RASA2: variants seen among roughly 807,000 people sequenced by gnomAD.
RASA2 encodes ras GTPase-activating protein 2.
Under a neutral mutation model 118.2 loss-of-function variants are expected in RASA2, and 155 were observed. The ratio of observed to expected loss-of-function variants is 1.31; its 90% CI spans 1.15 to 1.50. The LOEUF is 1.50. RASA2 is among the 40% of genes most tolerant of loss of function. The probability of loss-of-function intolerance (pLI) is 0.00; values close to 1 mark genes in which losing one functional copy is unlikely to be tolerated. For missense variants in RASA2, 1,016 were observed against 1,009.6 expected (o/e 1.01, Z -0.09); for synonymous variants, 353 against 349.1 (o/e 1.01, Z -0.12).
intron 3 of RASA2, among the ~76,000 whole-genome samples, chr3:141,518,029 C>A (rs1028198382): frequency 1.3e-5 from 2 of 152,148 alleles, no homozygotes; most frequent in African/African-American, 4.8e-5. Flanking sequence ...AGCTAACTGG[C>A]CACATATGTG....
Position 141,487,123 on chromosome 3 carries a change from G to T in RASA2, c.40G>T (p.Glu14Ter). The T allele has an allele frequency of 7.0e-7, 1 of 1,431,406 alleles. No individual in the cohort carries two copies. The highest frequency in any genetic ancestry group is 3.1e-5 in the East Asian group (1 of 32,428). 88.7% of individuals were successfully genotyped at this position (1,431,406 alleles called of 1,614,324 possible). A position where few individuals can be genotyped will look rare whatever the true frequency, so the allele number is the denominator to read the frequency against. ...AAPAAAAASS[E>*]APAASATAEP... is the part of the protein sequence containing the mutation. ...GCCTGCTGCTGCGGCGGCTTCTTCC[G>T]AGGCGCCAGCGGCGAGTGCGACTGC... The change falls in exon 1 of 24, where the codon GAG becomes TAG. Residue 14 changes from glutamate (E) to a stop codon, truncating the protein, a stop_gained. Transcript: ENST00000286364. LOFTEE classifies it high-confidence loss of function.
chr3:141,563,486 A>G (rs2082768623), intron 9 of RASA2, among the ~76,000 whole-genome samples: 1 of 152,172 alleles, frequency 6.6e-6, no homozygotes, highest in Non-Finnish European at 1.5e-5. Context: ...TATACAAATG[A>G]CTATTGATAG....
chr3:141,573,859 C>A, intron 13 of RASA2, 85 bp from the exon 14 acceptor site: 1 of 1,205,316 alleles, frequency 8.3e-7, no homozygotes, highest in South Asian at 2.4e-5. Context: ...TAATAAACCT[C>A]ATTTTCTTAC....
At chr3:141,602,230 A>T (rs541989737) in intron 19 of RASA2, among the ~76,000 whole-genome samples, 1 of 152,148 alleles carries the variant, frequency 6.6e-6, no homozygotes, top group East Asian at 1.9e-4. Flanking sequence ...GCAGTCCCCA[A>T]CCTTTTTGTC....
At chr3:141,572,545 A>G (rs955033544) in intron 11 of RASA2, 64 bp from the exon 12 acceptor site, 5 of 1,132,550 alleles carry the variant, frequency 4.4e-6, no homozygotes, top group Admixed American at 3.4e-5. Context: ...TTGGTCAAGT[A>G]TGTTATATTA....
chr3:141,545,647 C>G (rs2082474361), intron 5 of RASA2, among the ~76,000 whole-genome samples: 1 of 151,708 alleles, frequency 6.6e-6, no homozygotes, highest in East Asian at 1.9e-4. Context: ...GGGGTTTCAT[C>G]ATGTTGGTCA....
chr3:141,596,657 T>C (rs1259075986), intron 19 of RASA2, among the ~76,000 whole-genome samples: 2 of 152,304 alleles, frequency 1.3e-5, no homozygotes, highest in East Asian at 3.9e-4. Context: ...AAACATTTTA[T>C]CAAAGAGATT....
chr3:141,592,700 A>G lies in RASA2; in HGVS notation c.1933+5948A>G, dbSNP rs113212664. ...ATCACATTCTGAATCTATTTGAAAA[A>G]TAGTACCCAGAGGAGTTAGATACTG... is the stretch of plus-strand genomic sequence containing the variant. On this transcript the variant is annotated intron_variant, in intron 19 of 23. Coordinates refer to ENST00000286364, the MANE Select transcript of RASA2 (RefSeq NM_006506.5). 4.6e-3 allele frequency among the ~76,000 whole-genome samples: 705 copies of G among 152,296 alleles called. 7 individuals carry two copies. Among genetic ancestry groups the G allele is most frequent in the African/African-American group, 0.016 (684 of 41,558 alleles).
chr3:141,560,096 A>G, intron 9 of RASA2, 101 bp downstream of exon 9: 4 of 907,972 alleles, frequency 4.4e-6, no homozygotes, highest in East Asian at 2.7e-5. Context: ...TAAATTTGCC[A>G]TGTAATAAGC....
At chr3:141,560,700 G>A (rs963942630) in intron 9 of RASA2, among the ~76,000 whole-genome samples, 9 of 152,138 alleles carry the variant, frequency 5.9e-5, no homozygotes, top group East Asian at 5.8e-4. Flanking sequence ...ACTTAAAAGC[G>A]TGTGTATCCT....
chr3:141,570,533 A>G (rs1272420812), intron 9 of RASA2, among the ~76,000 whole-genome samples: 1 of 152,162 alleles, frequency 6.6e-6, no homozygotes, highest in African/African-American at 2.4e-5. Flanking sequence ...CTTAATTTTC[A>G]GCTAAATGCC....
intron 5 of RASA2, among the ~76,000 whole-genome samples, chr3:141,546,997 G>T (rs955614856): frequency 6.6e-6 from 1 of 152,084 alleles, no homozygotes; most frequent in Non-Finnish European, 1.5e-5. Context: ...TATTAAAAAT[G>T]AGTTCACTGT....
intron 23 of RASA2, among the ~76,000 whole-genome samples, chr3:141,611,526 C>A (rs1417593698): frequency 1.3e-5 from 2 of 152,038 alleles, no homozygotes; most frequent in African/African-American, 4.8e-5. Flanking sequence ...ACTCATTGAT[C>A]CTCAAATCAG....
At chr3:141,503,575 C>T (rs560088656) in intron 1 of RASA2, among the ~76,000 whole-genome samples, 2 of 152,310 alleles carry the variant, frequency 1.3e-5, no homozygotes, top group East Asian at 3.9e-4. Context: ...ACATGTCTCT[C>T]CTCTTTTTTC....
intron 1 of RASA2, among the ~76,000 whole-genome samples, chr3:141,502,701 G>T (rs114101128): frequency 1.3e-5 from 2 of 152,150 alleles, no homozygotes; most frequent in Non-Finnish European, 2.9e-5. Context: ...TGTAATACAT[G>T]TATTAATTTA....
chr3:141,502,947 C>T (rs1466177670), intron 1 of RASA2, among the ~76,000 whole-genome samples: 2 of 152,120 alleles, frequency 1.3e-5, no homozygotes, highest in African/African-American at 4.8e-5. Context: ...TTCAGAAAGA[C>T]CTTAAGAGTT....
At chr3:141,555,369 C>A (rs894361381) in intron 6 of RASA2, among the ~76,000 whole-genome samples, 5 of 152,054 alleles carry the variant, frequency 3.3e-5, no homozygotes, top group Non-Finnish European at 7.4e-5. Context: ...TTTCCTTATG[C>A]GTTTTTTGTG....
At chr3:141,549,066 C>G (rs2082531300) in intron 5 of RASA2, among the ~76,000 whole-genome samples, 1 of 152,190 alleles carries the variant, frequency 6.6e-6, no homozygotes, top group African/African-American at 2.4e-5. Context: ...TCTAATACAG[C>G]TATAAGATTC....
chr3:141,609,399 AT>A lies in RASA2; in HGVS notation c.2226-14del. 2.2e-6 allele frequency: 3 copies of A among 1,389,266 alleles called. No individual in the cohort carries two copies. Among genetic ancestry groups the A allele is most frequent in the Non-Finnish European group, 2.9e-6 (3 of 1,023,412 alleles). 86.1% of individuals were successfully genotyped at this position (1,389,266 alleles called of 1,614,324 possible). A position where few individuals can be genotyped will look rare whatever the true frequency, so the allele number is the denominator to read the frequency against. On this transcript the variant is annotated intron_variant, in intron 21 of 23. Transcript: ENST00000286364. ...AAAATAAAATTTGTATAATATCTTT[AT>A]TTTTTTATTTTTACCATAGAGGTGT... is the stretch of plus-strand genomic sequence containing the variant.
Sources: gnomAD v4.1 joint callset for allele counts (sites outside exome capture counted in the v4.1 genomes callset) on GRCh38, gnomAD v4.1.1 for gene constraint, MANE v1.5 for transcripts, NCBI Gene and HGNC (gene_info 2026-07-23, HGNC 2026-07-21) for gene names.